RNF121: variants seen among roughly 807,000 people sequenced by gnomAD.
RNF121 encodes the protein ring finger protein 121.
RNF121 carries 21 observed loss-of-function variants against 46.5 expected under a neutral mutation model. The ratio of observed to expected loss-of-function variants is 0.45; its 90% confidence interval spans 0.32 to 0.65. The LOEUF (loss-of-function observed/expected upper bound fraction) is 0.65. Ranked by LOEUF, RNF121 falls within the 30% of genes least tolerant of loss-of-function variation. RNF121 has a pLI of 0.04. For synonymous variants in RNF121, 139 were observed against 144.7 expected (o/e 0.96, Z 0.28); for missense variants, 346 against 416.0 (o/e 0.83, Z 1.46).
At chr11:71,933,767 A>T (rs1436557218) in intron 1 of RNF121, among the ~76,000 whole-genome samples, 1 of 152,190 alleles carries the variant, frequency 6.6e-6, no homozygotes, top group African/African-American at 2.4e-5. Context: ...TCACCATTGT[A>T]TTCTCTTCAC....
intron 3 of RNF121, among the ~76,000 whole-genome samples, chr11:71,976,687 G>T (rs1319775893): frequency 6.6e-6 from 1 of 152,136 alleles, no homozygotes; most frequent in Non-Finnish European, 1.5e-5. Context: ...GTTAAGCAGG[G>T]TTGTCTTGGC....
intron 1 of RNF121, among the ~76,000 whole-genome samples, chr11:71,934,700 A>C: frequency 6.6e-6 from 1 of 152,048 alleles, no homozygotes; most frequent in Non-Finnish European, 1.5e-5. Flanking sequence ...AGGCATGTAA[A>C]ATGAGTGGTG....
intron 1 of RNF121, among the ~76,000 whole-genome samples, chr11:71,943,047 G>A (rs537097800): frequency 4.6e-5 from 7 of 152,180 alleles, no homozygotes; most frequent in Admixed American, 1.3e-4. Context: ...CCTCCTAAAG[G>A]TTCCCTCCAC....
intron 1 of RNF121, among the ~76,000 whole-genome samples, chr11:71,949,529 A>C (rs1489483220): frequency 6.6e-6 from 1 of 152,148 alleles, no homozygotes; most frequent in Non-Finnish European, 1.5e-5. Context: ...AACCTGGCCA[A>C]CATGGTGAAA....
chr11:71,953,486 C>G (rs1953927289), intron 1 of RNF121, among the ~76,000 whole-genome samples: 2 of 152,188 alleles, frequency 1.3e-5, no homozygotes, highest in Non-Finnish European at 2.9e-5. Context: ...GCTTCTCAAA[C>G]TTTAATGTAC....
At chr11:71,939,319 T>TA (rs1953505271) in intron 1 of RNF121, 1 of 173,906 alleles carries the variant, frequency 5.8e-6, no homozygotes, top group African/African-American at 2.4e-5. Flanking sequence ...TAGGCACACT[T>TA]ACTGACTCCA....
intron 4 of RNF121, among the ~76,000 whole-genome samples, chr11:71,984,951 G>C (rs569422966): frequency 6.9e-6 from 1 of 144,668 alleles, no homozygotes; most frequent in Non-Finnish European, 1.5e-5. Flanking sequence ...AGATGAGGTC[G>C]CACTCTGTCG....
In RNF121 at chr11:71,982,335, C is replaced by CAAAAAAAAAAAAA. The variant is rs10635678; in HGVS notation, c.244-419_244-407dup. Among the ~76,000 whole-genome samples the CAAAAAAAAAAAAA allele has an allele frequency of 7.6e-5, 6 of 79,112 alleles. 3 individuals carry two copies. The highest frequency in any genetic ancestry group is 9.2e-5 in the Non-Finnish European group (4 of 43,568). 51.9% of individuals were successfully genotyped at this position (79,112 alleles called of 152,430 possible). On this transcript the variant is annotated intron_variant, in intron 3 of 8. Transcript: ENST00000361756. Reference sequence around the variant, plus strand: ...TGGGCAACAGAGCAAGACTCCATCTCAAAAAAAAAAAAAAAAAAAGGAATG... The same window carrying CAAAAAAAAAAAAA: ...TGGGCAACAGAGCAAGACTCCATCTCAAAAAAAAAAAAAAAAAAAAAAAAAAAAAAAAGGAATG...
intron 1 of RNF121, among the ~76,000 whole-genome samples, chr11:71,948,513 CAAAAAAAAA>C (rs55762433): frequency 2.8e-5 from 1 of 35,380 alleles, no homozygotes; most frequent in Non-Finnish European, 5.0e-5. Context: ...AAACTGTCTC[CAAAAAAAAA>C]AAAAAAAAAA....
At position 71,995,183 on chromosome 11, in the gene RNF121, G is replaced by T. The variant is rs1455806789; in HGVS notation, c.762-267G>T. On this transcript the variant is annotated intron_variant, in intron 7 of 8. Transcript: ENST00000361756. ...TCATCCTCTGTTCTGAATAACACTT[G>T]TAATATTTATCATGTATTTACCCAG... 5 of 573,232 alleles carry T rather than the reference G, an allele frequency of 8.7e-6. No homozygotes were observed. In the African/African-American group the frequency reaches 9.3e-5, roughly 11 times the overall value. 35.5% of individuals were successfully genotyped at this position (573,232 alleles called of 1,614,324 possible).
chr11:71,987,275 G>A (rs1954789850), intron 5 of RNF121, among the ~76,000 whole-genome samples, 164 bp downstream of exon 5: 1 of 152,168 alleles, frequency 6.6e-6, no homozygotes, highest in African/African-American at 2.4e-5. Context: ...TCCATGATTT[G>A]TTCTGGCAGA....
At chr11:71,944,628 G>A (rs538729829) in intron 1 of RNF121, among the ~76,000 whole-genome samples, 57 of 152,184 alleles carry the variant, frequency 3.7e-4, no homozygotes, top group Non-Finnish European at 7.3e-5. Flanking sequence ...CTCACTGTCC[G>A]TGCTCCTGTG....
At chr11:71,994,693 C>G in intron 6 of RNF121, 26 bp from the exon 7 acceptor site, 1 of 1,613,708 alleles carries the variant, frequency 6.2e-7, no homozygotes, top group Non-Finnish European at 8.5e-7. Flanking sequence ...CTTTTCCTAT[C>G]TTTCCTTCCT....
At chr11:71,964,440 T>TAGAG (rs34974965) in intron 3 of RNF121, among the ~76,000 whole-genome samples, 150,203 of 152,036 alleles carry the variant, frequency 0.99, 74,252 homozygotes, top group Middle Eastern at 1. Flanking sequence ...CATCTGAGAG[T>TAGAG]AGAGTTTCAC....
At chr11:71,973,496 C>A (rs1214472948) in intron 3 of RNF121, among the ~76,000 whole-genome samples, 1 of 150,300 alleles carries the variant, frequency 6.7e-6, no homozygotes, top group South Asian at 2.1e-4. Context: ...GTCTCAAAAA[C>A]AAAAAACAGG....
intron 3 of RNF121, among the ~76,000 whole-genome samples, chr11:71,976,395 G>A (rs1341636476): frequency 8.6e-5 from 10 of 115,808 alleles, no homozygotes; most frequent in African/African-American, 3.3e-4. Flanking sequence ...TCGCTGTGTC[G>A]CCCGGGCTGG....
chr11:71,995,624 G>T lies in RNF121; in HGVS notation c.863+73G>T. The T allele has an allele frequency of 3.3e-6, 4 of 1,203,312 alleles. No individual in the cohort carries two copies. In the South Asian group the frequency reaches 5.3e-5, roughly 16 times the overall value. 74.5% of individuals were successfully genotyped at this position (1,203,312 alleles called of 1,614,324 possible). On this transcript the variant is annotated intron_variant, in intron 8 of 8. Coordinates refer to ENST00000361756, the MANE Select transcript of RNF121 (RefSeq NM_018320.5). ...TACTGGCCAGTGTGACCTGCATTTG[G>T]GTCCTCCTGGGGCCCTCACTTCTGC...
chr11:71,988,342 G>T (rs1172601223), intron 5 of RNF121, among the ~76,000 whole-genome samples: 1 of 152,166 alleles, frequency 6.6e-6, no homozygotes, highest in Non-Finnish European at 1.5e-5. Context: ...AATACTGGTG[G>T]CTGTGGGCTG....
intron 1 of RNF121, among the ~76,000 whole-genome samples, chr11:71,936,992 T>G (rs942357209): frequency 6.6e-6 from 1 of 152,252 alleles, no homozygotes; most frequent in African/African-American, 2.4e-5. Context: ...AAAGGTTGAC[T>G]GGCATGCCTA....
Sources: allele counts gnomAD v4.1 joint callset (sites outside exome capture counted in the v4.1 genomes callset), GRCh38; gene constraint gnomAD v4.1.1; transcripts MANE v1.5; gene names NCBI Gene and HGNC (gene_info 2026-07-23, HGNC 2026-07-21).